Variants in TXLNG observed in about 807,000 individuals in gnomAD.
TXLNG encodes the protein gamma-taxilin.
A neutral mutation model predicts 38.8 loss-of-function variants in TXLNG; 5 were observed. The ratio of observed to expected loss-of-function variants is 0.13; its 90% confidence interval spans 0.07 to 0.27. The LOEUF is 0.27. Among genes scored for constraint, TXLNG ranks in the 10% least tolerant of loss-of-function variants. TXLNG has a pLI of 1.00. For synonymous variants in TXLNG, 182 were observed against 158.2 expected (o/e 1.15, Z -1.13); for missense variants, 393 against 398.2 (o/e 0.99, Z 0.11).
At chrX:16,791,815 A>G (rs769172233) in intron 1 of TXLNG, among the ~76,000 whole-genome samples, 16 of 111,819 alleles carry the variant, frequency 1.4e-4, no homozygotes, top group African/African-American at 4.9e-4. Flanking sequence ...TGAACTCCTG[A>G]CCTCAAGTGA....
chrX:16,821,151 T>A (rs1174616494), intron 3 of TXLNG, among the ~76,000 whole-genome samples: 2 of 96,124 alleles, frequency 2.1e-5, no homozygotes, highest in East Asian at 3.3e-4. Context: ...TTTTTTTTTT[T>A]TTTTTTTGAG....
chrX:16,834,211 C>A, intron 6 of TXLNG, 72 bp from the exon 7 acceptor site: 1 of 910,281 alleles, frequency 1.1e-6, no homozygotes, highest in South Asian at 2.3e-5. Flanking sequence ...TGAAGCCTAA[C>A]TCTGATCATT....
intron 1 of TXLNG, among the ~76,000 whole-genome samples, chrX:16,808,642 A>G (rs1928407374): frequency 1.8e-5 from 2 of 111,535 alleles, no homozygotes; most frequent in African/African-American, 6.5e-5. Context: ...ATCATGGCAT[A>G]TGGTATGTGC....
At chrX:16,823,178 A>C (rs1929037556) in intron 3 of TXLNG, among the ~76,000 whole-genome samples, 1 of 111,200 alleles carries the variant, frequency 9.0e-6, no homozygotes, top group Admixed American at 9.6e-5. Flanking sequence ...ATTTCACTTA[A>C]AAGGTAGATA....
intron 2 of TXLNG, among the ~76,000 whole-genome samples, chrX:16,819,708 C>T (rs1190017265): frequency 1.8e-5 from 2 of 111,834 alleles, no homozygotes; most frequent in Non-Finnish European, 3.8e-5. Context: ...TTAAATTGTT[C>T]GTAGGAAAAG....
Position 16,818,524 on chromosome X carries a change from A to G in TXLNG, c.103-50A>G, listed in dbSNP as rs144761191. The G allele has an allele frequency of 6.4e-3, 7,305 of 1,150,035 alleles. 152 individuals carry two copies. The Admixed American group carries it at 0.071, about 11-fold the overall frequency. 94.8% of individuals were successfully genotyped at this position (1,150,035 alleles called of 1,213,427 possible). On this transcript the variant is annotated intron_variant, in intron 1 of 9. Transcript: ENST00000380122. ...TCCATTGCTTGTAAACATTGATTAC[A>G]TTAGATTTAACCCCTTCTCCATCTT...
At chrX:16,841,195 A>G (rs1484694251) in intron 9 of TXLNG, among the ~76,000 whole-genome samples, 1 of 107,584 alleles carries the variant, frequency 9.3e-6, no homozygotes, top group African/African-American at 3.3e-5. Context: ...CTCTGTCTCA[A>G]AAAAAAAAAA....
chrX:16,840,354 G>C (rs747208190), intron 9 of TXLNG: 85 of 560,084 alleles, frequency 1.5e-4, no homozygotes, highest in Non-Finnish European at 1.8e-4. Flanking sequence ...AGGTGATGCT[G>C]ATGCAGCATG....
intron 1 of TXLNG, among the ~76,000 whole-genome samples, chrX:16,801,228 C>G (rs1321144538): frequency 9.0e-6 from 1 of 111,576 alleles, no homozygotes; most frequent in African/African-American, 3.3e-5. Flanking sequence ...CTCTGTCTCC[C>G]AGGCTGGAGT....
intron 5 of TXLNG, 120 bp downstream of exon 5, chrX:16,829,890 C>A: frequency 1.5e-6 from 1 of 646,145 alleles, no homozygotes; most frequent in Non-Finnish European, 2.3e-6. Context: ...TAGTGGCAGT[C>A]GGTTATTTAT....
At chrX:16,790,136 C>T (rs1213223101) in intron 1 of TXLNG, among the ~76,000 whole-genome samples, 1 of 110,946 alleles carries the variant, frequency 9.0e-6, no homozygotes, top group East Asian at 2.8e-4. Context: ...TAGTGTGATA[C>T]TTGTGTTAAA....
chrX:16,818,621 G>A lies in TXLNG; in HGVS notation c.150G>A (p.Val50=), dbSNP rs1928827292. 2.5e-6 allele frequency: 3 copies of A among 1,211,689 alleles called. No homozygotes were observed. The highest frequency in any genetic ancestry group is 3.4e-6 in the Non-Finnish European group (3 of 895,363). ...MEEAGICGLG[V]KADMLCNSQS... is the part of the protein sequence containing the mutation. The stretch of plus-strand genomic sequence containing the variant: ...AAGCTGGAATTTGTGGGCTAGGGGT[G>A]AAAGCAGATATGTTGTGTAACTCTC... Residue 50 remains valine, a synonymous_variant, in exon 2 of 10, where the codon GTG becomes GTA. Transcript: ENST00000380122.
intron 1 of TXLNG, among the ~76,000 whole-genome samples, chrX:16,799,174 C>T (rs192390273): frequency 9.0e-6 from 1 of 111,598 alleles, no homozygotes; most frequent in African/African-American, 3.2e-5. Flanking sequence ...CCACCACACC[C>T]AGCTGCATTT....
Position 16,834,429 on chromosome X carries a change from A to G in TXLNG, c.1059+72A>G, listed in dbSNP as rs377719437. On this transcript the variant is annotated intron_variant, in intron 7 of 9. Coordinates refer to ENST00000380122, the MANE Select transcript of TXLNG (RefSeq NM_018360.3). ...GTTCCTTTGATTCTGCATATCTTCA[A>G]TCTCCTCTAAGATGGTTTTGCTTTT... is the stretch of plus-strand genomic sequence containing the variant. The G allele has an allele frequency of 5.6e-5, 55 of 973,478 alleles. 1 individual carries two copies. The African/African-American group carries it at 7.1e-4, about 13-fold the overall frequency. 80.2% of individuals were successfully genotyped at this position (973,478 alleles called of 1,213,427 possible). A position where few individuals can be genotyped will look rare whatever the true frequency, so the allele number is the denominator to read the frequency against.
Position 16,841,905 on chromosome X carries a change from T to C in TXLNG, c.*139T>C, listed in dbSNP as rs1929861026. The C allele has an allele frequency of 2.9e-6, 2 of 695,617 alleles. No individual in the cohort carries two copies. Among genetic ancestry groups the C allele is most frequent in the South Asian group, 5.8e-5 (2 of 34,407 alleles). The allele number at this position is 695,617 out of a possible 1,213,427, so 57.3% of individuals were successfully genotyped here. ...TTTTCTTAGAACTACTGGACTTATG[T>C]GGTACAGGAGGCTGCTTAGCAGTTT... On this transcript the variant is annotated 3_prime_UTR_variant, in exon 10 of 10. Transcript: ENST00000380122.
intron 7 of TXLNG, 74 bp downstream of exon 7, chrX:16,834,431 C>T: frequency 1.0e-6 from 1 of 969,467 alleles, no homozygotes; most frequent in Non-Finnish European, 1.4e-6. Context: ...TATCTTCAAT[C>T]TCCTCTAAGA....
intron 1 of TXLNG, among the ~76,000 whole-genome samples, chrX:16,793,456 A>G (rs1927772756): frequency 9.4e-6 from 1 of 106,664 alleles, no homozygotes. Flanking sequence ...CCCACCTTAT[A>G]GTCTGTCCTG....
At chrX:16,821,438 C>T (rs899980218) in intron 3 of TXLNG, among the ~76,000 whole-genome samples, 10 of 112,112 alleles carry the variant, frequency 8.9e-5, no homozygotes, top group Non-Finnish European at 1.7e-4. Flanking sequence ...TGTGCCTGGC[C>T]CGTGAGGGCA....
At chrX:16,811,176 C>T (rs1296471919) in intron 1 of TXLNG, among the ~76,000 whole-genome samples, 1 of 111,404 alleles carries the variant, frequency 9.0e-6, no homozygotes, top group Non-Finnish European at 1.9e-5. Flanking sequence ...AGTTCAGAGG[C>T]AGGAGTGTCT....
Sources: allele counts gnomAD v4.1 joint callset (sites outside exome capture counted in the v4.1 genomes callset), GRCh38; gene constraint gnomAD v4.1.1; transcripts MANE v1.5; gene names NCBI Gene and HGNC (gene_info 2026-07-23, HGNC 2026-07-21).